Variants in HTR2C observed in about 807,000 individuals in gnomAD.
The protein encoded by HTR2C is 5-hydroxytryptamine receptor 2C.
Under a neutral mutation model 21.0 loss-of-function variants are expected in HTR2C, and 5 were observed. That is an observed-to-expected ratio of 0.24 (90% CI 0.12 to 0.50). HTR2C has a LOEUF of 0.50. Ranked by LOEUF, HTR2C falls within the 20% of genes least tolerant of loss-of-function variation. The pLI is 0.98. For missense variants in HTR2C, 271 were observed against 371.2 expected (o/e 0.73, Z 2.22); for synonymous variants, 150 against 145.3 (o/e 1.03, Z -0.23).
chrX:114,772,613 C>A (rs1432398921), intron 4 of HTR2C, among the ~76,000 whole-genome samples: 2 of 110,870 alleles, frequency 1.8e-5, no homozygotes, highest in African/African-American at 3.3e-5. Context: ...AATCACTATA[C>A]TTTCTGGCTT....
chrX:114,705,414 A>G (rs1201060889), intron 2 of HTR2C, among the ~76,000 whole-genome samples: 1 of 109,294 alleles, frequency 9.1e-6, no homozygotes, highest in Non-Finnish European at 1.9e-5. Context: ...CATATCTACA[A>G]CTATCTGATC....
chrX:114,850,770 T>C (rs181053131), intron 5 of HTR2C, among the ~76,000 whole-genome samples: 1 of 111,391 alleles, frequency 9.0e-6, no homozygotes, highest in African/African-American at 3.3e-5. Flanking sequence ...TAAAACCAAA[T>C]ATATCCCTAA....
At chrX:114,853,766 G>A (rs184409788) in intron 5 of HTR2C, among the ~76,000 whole-genome samples, 56 of 111,280 alleles carry the variant, frequency 5.0e-4, no homozygotes, top group African/African-American at 1.8e-3. Flanking sequence ...ATCTGATATG[G>A]TTAGTCCCTA....
chrX:114,647,482 A>T (rs978959019), intron 2 of HTR2C, among the ~76,000 whole-genome samples: 1 of 112,121 alleles, frequency 8.9e-6, no homozygotes, highest in Admixed American at 9.5e-5. Flanking sequence ...AATTTTCCTC[A>T]ACTTCAAATA....
At chrX:114,675,932 C>T (rs1931544552) in intron 2 of HTR2C, among the ~76,000 whole-genome samples, 1 of 103,333 alleles carries the variant, frequency 9.7e-6, no homozygotes, top group Non-Finnish European at 2.0e-5. Context: ...TGAGATGGCA[C>T]GATGTCGGCT....
At chrX:114,748,870 A>G (rs2069730423) in intron 4 of HTR2C, among the ~76,000 whole-genome samples, 1 of 111,699 alleles carries the variant, frequency 9.0e-6, no homozygotes, top group Admixed American at 9.5e-5. Context: ...CCATAAAAAG[A>G]ATGGGTAAAT....
At chrX:114,609,897 G>T (rs1312775467) in intron 1 of HTR2C, among the ~76,000 whole-genome samples, 3 of 111,848 alleles carry the variant, frequency 2.7e-5, no homozygotes, top group African/African-American at 9.7e-5. Context: ...CTTGGAAGGT[G>T]GTGACTACAA....
intron 4 of HTR2C, among the ~76,000 whole-genome samples, chrX:114,749,291 A>G (rs2069735755): frequency 9.3e-6 from 1 of 107,209 alleles, no homozygotes; most frequent in Non-Finnish European, 1.9e-5. Context: ...TCTATAAAAA[A>G]TACAAAATTA....
At chrX:114,685,322 A>AG (rs1931876230) in intron 2 of HTR2C, among the ~76,000 whole-genome samples, 1 of 111,737 alleles carries the variant, frequency 8.9e-6, no homozygotes, top group African/African-American at 3.2e-5. Flanking sequence ...TCTTGACTAC[A>AG]CAGCTTATAA....
intron 4 of HTR2C, among the ~76,000 whole-genome samples, chrX:114,836,659 C>T (rs920431844): frequency 8.9e-5 from 10 of 112,226 alleles, no homozygotes; most frequent in African/African-American, 3.2e-4. Context: ...CAGAAATCAC[C>T]CGTCTTCTGC....
chrX:114,606,373 C>T (rs1179851418), intron 1 of HTR2C, among the ~76,000 whole-genome samples: 1 of 111,693 alleles, frequency 9.0e-6, no homozygotes, highest in Non-Finnish European at 1.9e-5. Flanking sequence ...AGGATCAAGG[C>T]AGGCGTCCCT....
intron 1 of HTR2C, among the ~76,000 whole-genome samples, chrX:114,590,358 G>T (rs782699180): frequency 1.8e-4 from 20 of 111,900 alleles, no homozygotes; most frequent in African/African-American, 6.5e-4. Context: ...AGAATTTATT[G>T]CTAGAAAGAT....
intron 4 of HTR2C, among the ~76,000 whole-genome samples, chrX:114,797,791 G>A (rs1437062181): frequency 8.9e-6 from 1 of 111,939 alleles, no homozygotes; most frequent in Non-Finnish European, 1.9e-5. Flanking sequence ...GTACCTGGCT[G>A]TAGCCAAGAA....
intron 1 of HTR2C, among the ~76,000 whole-genome samples, chrX:114,592,449 G>A (rs1416176630): frequency 9.0e-6 from 1 of 111,357 alleles, no homozygotes; most frequent in East Asian, 2.8e-4. Flanking sequence ...TGAGAATGAA[G>A]CAACAAGATC....
At chrX:114,813,550 G>A (rs2070554763) in intron 4 of HTR2C, among the ~76,000 whole-genome samples, 1 of 112,048 alleles carries the variant, frequency 8.9e-6, no homozygotes, top group Admixed American at 9.5e-5. Flanking sequence ...AAAGCCAAAT[G>A]TAGGTACTCT....
chrX:114,744,451 TCA>T (rs1556425763), intron 4 of HTR2C, among the ~76,000 whole-genome samples: 1 of 101,965 alleles, frequency 9.8e-6, no homozygotes, highest in East Asian at 3.0e-4. Context: ...GTTCCAAAGC[TCA>T]TTCTTTTTTT....
At position 114,777,035 on chromosome X, in the gene HTR2C, T is replaced by C. The variant is rs1468073582; in HGVS notation, c.349+45428T>C. ...CACCAAAGCGTAAGTAAAATGACAA[T>C]GAATAAAATGACCAATAAATGTACT... On this transcript the variant is annotated intron_variant, in intron 4 of 5. Coordinates refer to ENST00000276198, the MANE Select transcript of HTR2C (RefSeq NM_000868.4). 2.7e-5 allele frequency among the ~76,000 whole-genome samples: 3 copies of C among 111,897 alleles called. No individual in the cohort carries two copies. The East Asian group carries it at 8.5e-4, about 32-fold the overall frequency.
chrX:114,719,283 T>C (rs1556420306), intron 2 of HTR2C, among the ~76,000 whole-genome samples: 1 of 110,123 alleles, frequency 9.1e-6, no homozygotes, highest in Non-Finnish European at 1.9e-5. Flanking sequence ...GAAAGTTCCA[T>C]ATATGCATAT....
chrX:114,740,575 TAG>T (rs1356640265), intron 4 of HTR2C, among the ~76,000 whole-genome samples: 4 of 111,870 alleles, frequency 3.6e-5, no homozygotes, highest in Non-Finnish European at 7.5e-5. Context: ...AAGTTCTATA[TAG>T]AGAGAGATTA....
Sources: allele counts gnomAD v4.1 joint callset (sites outside exome capture counted in the v4.1 genomes callset), GRCh38; gene constraint gnomAD v4.1.1; transcripts MANE v1.5; gene names NCBI Gene and HGNC (gene_info 2026-07-23, HGNC 2026-07-21).